DMD: variants seen among roughly 807,000 people sequenced by gnomAD.
DMD encodes the protein dystrophin, also known as mutant dystrophin.
Under a neutral mutation model 330.1 loss-of-function variants are expected in DMD, and 63 were observed. The ratio of observed to expected loss-of-function variants is 0.19; its 90% CI spans 0.16 to 0.24. The LOEUF is 0.24. Ranked by LOEUF, DMD falls within the 10% of genes least tolerant of loss-of-function variation. The pLI, the probability that DMD is intolerant of heterozygous loss-of-function variation, is 1.00. For missense variants in DMD, 3,344 were observed against 2,684.1 expected (o/e 1.25, Z -5.43); for synonymous variants, 1,223 against 959.8 (o/e 1.27, Z -5.07).
intron 28 of DMD, among the ~76,000 whole-genome samples, chrX:32,438,948 C>A (rs1048363120): frequency 1.8e-5 from 2 of 111,518 alleles, no homozygotes; most frequent in African/African-American, 6.5e-5. Context: ...CTTCACTATT[C>A]TTTTCGTGGT....
chrX:31,486,094 C>T (rs1049024819), intron 57 of DMD, among the ~76,000 whole-genome samples: 2 of 112,740 alleles, frequency 1.8e-5, no homozygotes, highest in Non-Finnish European at 3.7e-5. Context: ...TAAGTTCTAA[C>T]ATCCAGTTCT....
intron 1 of DMD, chrX:33,041,819 A>C (rs2094306760): frequency 1.3e-6 from 1 of 784,330 alleles, no homozygotes; most frequent in South Asian, 2.4e-5. Context: ...TAGTATGAGA[A>C]TGTGATTGTT....
chrX:33,298,070 T>C (rs1253996475), intron 1 of DMD, among the ~76,000 whole-genome samples: 2 of 111,149 alleles, frequency 1.8e-5, no homozygotes, highest in Non-Finnish European at 3.8e-5. Flanking sequence ...AATACCTCCA[T>C]AAAAATTAAC....
At chrX:33,195,732 T>TTTTGTG (rs544564743) in intron 1 of DMD, among the ~76,000 whole-genome samples, 1 of 97,703 alleles carries the variant, frequency 1.0e-5, no homozygotes, top group Non-Finnish European at 2.1e-5. Flanking sequence ...CTGTTCTATT[T>TTTTGTG]TGTGTGTGTG....
rs145980746 is a variant in DMD at position 31,888,323 on chromosome X, T to A, written c.6913-12950A>T. On this transcript the variant is annotated intron_variant, in intron 47 of 78. Transcript: ENST00000357033. ...CTATTTTGTTCCAGCCGCTGCCCTG[T>A]ATTGCTTCTGTAGTTGACTGAAGTT... Among the ~76,000 whole-genome samples, 121 of 111,497 alleles carry A rather than the reference T, an allele frequency of 1.1e-3. 3 individuals are homozygous for A. The East Asian group carries it at 0.031, about 28-fold the overall frequency.
At chrX:31,405,333 A>G (rs1368089689) in intron 60 of DMD, among the ~76,000 whole-genome samples, 1 of 112,317 alleles carries the variant, frequency 8.9e-6, no homozygotes, top group Non-Finnish European at 1.9e-5. Flanking sequence ...ACATGGATGT[A>G]TTGGAACATA....
At chrX:31,224,247 TGAAA>T (rs1390094151) in intron 63 of DMD, among the ~76,000 whole-genome samples, 1 of 111,419 alleles carries the variant, frequency 9.0e-6, no homozygotes, top group Non-Finnish European at 1.9e-5. Context: ...AACAAAAGAA[TGAAA>T]GAAAGAAAAA....
intron 51 of DMD, among the ~76,000 whole-genome samples, chrX:31,752,317 T>C (rs1442288508): frequency 9.0e-6 from 1 of 111,589 alleles, no homozygotes; most frequent in Non-Finnish European, 1.9e-5. Flanking sequence ...TTTGTCACAA[T>C]GTGACATACT....
intron 57 of DMD, among the ~76,000 whole-genome samples, chrX:31,480,549 CATGTTTGTGTGT>C (rs2068183079): frequency 1.3e-5 from 1 of 75,377 alleles, no homozygotes; most frequent in African/African-American, 5.1e-5. Flanking sequence ...TTGAAATCTC[CATGTTTGTGTGT>C]GTGTGTGTGT....
intron 7 of DMD, among the ~76,000 whole-genome samples, chrX:32,747,900 C>T (rs1344888397): frequency 8.9e-6 from 1 of 111,901 alleles, no homozygotes; most frequent in East Asian, 2.8e-4. Flanking sequence ...AGGCATATAG[C>T]TATGCCTTCT....
At chrX:33,053,800 G>A (rs2094487784) in intron 1 of DMD, among the ~76,000 whole-genome samples, 1 of 108,944 alleles carries the variant, frequency 9.2e-6, no homozygotes, top group African/African-American at 3.3e-5. Flanking sequence ...ACAGAAGCTA[G>A]AATAGTGACT....
chrX:32,798,843 T>G (rs1238643630), intron 7 of DMD, among the ~76,000 whole-genome samples: 2 of 111,503 alleles, frequency 1.8e-5, no homozygotes, highest in African/African-American at 6.5e-5. Context: ...ACAAAAATAT[T>G]TATTTATTTA....
At chrX:32,583,321 C>T (rs978266589) in intron 13 of DMD, among the ~76,000 whole-genome samples, 1 of 111,014 alleles carries the variant, frequency 9.0e-6, no homozygotes, top group African/African-American at 3.3e-5. Flanking sequence ...CATGGTGAAA[C>T]CCTGTCTCTA....
chrX:32,076,742 G>A (rs1437230049), intron 44 of DMD, among the ~76,000 whole-genome samples: 1 of 111,262 alleles, frequency 9.0e-6, no homozygotes, highest in Non-Finnish European at 1.9e-5. Flanking sequence ...TTACATTATA[G>A]AGGCATGAGA....
intron 41 of DMD, among the ~76,000 whole-genome samples, chrX:32,323,609 A>C (rs1329058631): frequency 5.4e-5 from 6 of 111,747 alleles, no homozygotes; most frequent in Non-Finnish European, 5.6e-5. Context: ...CATTGTTCTT[A>C]TTTAATTTTG....
intron 7 of DMD, among the ~76,000 whole-genome samples, chrX:32,796,273 T>C (rs1017630869): frequency 9.0e-6 from 1 of 111,259 alleles, no homozygotes; most frequent in African/African-American, 3.3e-5. Flanking sequence ...ATATATACAG[T>C]GGAATACTCT....
At chrX:32,044,612 C>T (rs185032818) in intron 44 of DMD, among the ~76,000 whole-genome samples, 229 of 109,377 alleles carry the variant, frequency 2.1e-3, no homozygotes, top group Non-Finnish European at 3.6e-3. Flanking sequence ...TTAGTAGAGA[C>T]GGGGTTTCAC....
intron 45 of DMD, among the ~76,000 whole-genome samples, chrX:31,961,742 T>TTTTTTTTTTTTTTTTTTTTTTTG (rs1569523664): frequency 4.4e-5 from 4 of 90,410 alleles, no homozygotes; most frequent in African/African-American, 1.0e-4. Context: ...AGGAAGCGGT[T>TTTTTTTTTTTTTTTTTTTTTTTG]TTTTTTTTTT....
chrX:31,497,083 G>C, intron 56 of DMD, 139 bp from the exon 57 acceptor site: 1 of 773,714 alleles, frequency 1.3e-6, no homozygotes. Context: ...ACTTACTTTT[G>C]AGAGCCACAA....
Sources: gnomAD v4.1 joint callset for allele counts (sites outside exome capture counted in the v4.1 genomes callset) on GRCh38, gnomAD v4.1.1 for gene constraint, MANE v1.5 for transcripts, NCBI Gene and HGNC (gene_info 2026-07-23, HGNC 2026-07-21) for gene names.